GALNT2: variants seen among roughly 807,000 people sequenced by gnomAD.
GALNT2 encodes polypeptide N-acetylgalactosaminyltransferase 2.
Under a neutral mutation model 81.4 loss-of-function variants are expected in GALNT2, and 31 were observed. The observed-to-expected ratio is 0.38, with a 90% CI of 0.29 to 0.51. The LOEUF (loss-of-function observed/expected upper bound fraction) is 0.51. Ranked by LOEUF, GALNT2 falls within the 20% of genes least tolerant of loss-of-function variation. The probability of loss-of-function intolerance (pLI) is 0.87; values close to 1 mark genes in which losing one functional copy is unlikely to be tolerated. For missense variants in GALNT2, 629 were observed against 765.7 expected (o/e 0.82, Z 2.11); for synonymous variants, 303 against 287.4 (o/e 1.05, Z -0.55).
intron 3 of GALNT2, among the ~76,000 whole-genome samples, chr1:230,231,553 C>G (rs1572112985): frequency 6.6e-6 from 1 of 152,200 alleles, no homozygotes; most frequent in South Asian, 2.1e-4. Flanking sequence ...ATGTCTTGAT[C>G]AAGCCCAGGT....
chr1:230,271,137 G>A lies in GALNT2; in HGVS notation c.1441-3308G>A, dbSNP rs1334295786. Among the ~76,000 whole-genome samples, 1 of 152,182 alleles carries A rather than the reference G, an allele frequency of 6.6e-6. No homozygotes were observed. Among genetic ancestry groups the A allele is most frequent in the African/African-American group, 2.4e-5 (1 of 41,438 alleles). ...GGACTCTCCTCTTCACTGTGAGTGG[G>A]CGTCTCTGTGTACCACAGTTTCACA... On this transcript the variant is annotated intron_variant, in intron 14 of 15. Transcript: ENST00000366672. The surrounding 1 kb of genome is among the most constrained non-coding windows in gnomAD (Gnocchi z 4.2).
At chr1:230,128,499 G>C (rs1661264588) in intron 1 of GALNT2, among the ~76,000 whole-genome samples, 1 of 152,014 alleles carries the variant, frequency 6.6e-6, no homozygotes, top group Non-Finnish European at 1.5e-5. Flanking sequence ...TGTGCACCAG[G>C]GATGGAGCCA....
At chr1:230,161,998 T>A (rs561296081) in intron 1 of GALNT2, among the ~76,000 whole-genome samples, 1 of 152,198 alleles carries the variant, frequency 6.6e-6, no homozygotes, top group Non-Finnish European at 1.5e-5. Flanking sequence ...TGGGGTATTA[T>A]TAAAGTAAGA....
intron 13 of GALNT2, chr1:230,263,493 C>G (rs918030978): frequency 6.4e-6 from 1 of 156,406 alleles, no homozygotes; most frequent in Admixed American, 6.3e-5. Flanking sequence ...CTCCCTCCTC[C>G]CAGCTAGGTT....
intron 1 of GALNT2, among the ~76,000 whole-genome samples, chr1:230,142,704 G>T (rs1334805628): frequency 1.0e-5 from 1 of 100,118 alleles, no homozygotes. Context: ...GCTGGTCGTT[G>T]CCTGCTCTGT....
intron 1 of GALNT2, among the ~76,000 whole-genome samples, chr1:230,175,601 G>A (rs74600170): frequency 2.7e-5 from 2 of 72,818 alleles, no homozygotes; most frequent in Non-Finnish European, 4.9e-5. Flanking sequence ...TCCCCTCCTC[G>A]TCCTCCTCCT....
chr1:230,155,519 C>G (rs1246058285), intron 1 of GALNT2, among the ~76,000 whole-genome samples: 1 of 152,158 alleles, frequency 6.6e-6, no homozygotes, highest in South Asian at 2.1e-4. Flanking sequence ...TAGCTTCTTT[C>G]AGGATCTTCC....
intron 1 of GALNT2, among the ~76,000 whole-genome samples, chr1:230,099,128 A>G (rs1197748279): frequency 6.6e-6 from 1 of 152,190 alleles, no homozygotes; most frequent in East Asian, 1.9e-4. Context: ...TACACCAGTC[A>G]TTGCTACGTT....
In GALNT2 at chr1:230,243,553, CG is replaced by C; in HGVS notation, c.729+127del. Reference sequence around the variant, plus strand: ...CGTCAGGGCTGGTAGGGGCTGAGCTCGCCGTCTGCAGTTTTCCTTGATAGAA... The same window carrying C: ...CGTCAGGGCTGGTAGGGGCTGAGCTCCCGTCTGCAGTTTTCCTTGATAGAA... On this transcript the variant is annotated intron_variant, in intron 7 of 15. Coordinates refer to ENST00000366672, the MANE Select transcript of GALNT2 (RefSeq NM_004481.5). The surrounding 1 kb of genome is among the most constrained non-coding windows in gnomAD (Gnocchi z 4.2). The C allele has an allele frequency of 4.9e-6, 6 of 1,219,334 alleles. No individual in the cohort carries two copies. The highest frequency in any genetic ancestry group is 6.6e-6 in the Non-Finnish European group (6 of 912,992). 75.5% of individuals were successfully genotyped at this position (1,219,334 alleles called of 1,614,324 possible).
chr1:230,163,472 C>T (rs765382991), intron 1 of GALNT2, among the ~76,000 whole-genome samples: 1 of 152,344 alleles, frequency 6.6e-6, no homozygotes, highest in Non-Finnish European at 1.5e-5. Flanking sequence ...ACTTCTCAGG[C>T]GGTTGTGTGG....
intron 1 of GALNT2, among the ~76,000 whole-genome samples, chr1:230,113,471 A>T (rs532141718): frequency 6.6e-6 from 1 of 152,270 alleles, no homozygotes; most frequent in East Asian, 1.9e-4. Context: ...GTAGAGGTGG[A>T]TAAGAAGAAG....
At chr1:230,176,188 A>G (rs1662973669) in intron 1 of GALNT2, among the ~76,000 whole-genome samples, 1 of 152,122 alleles carries the variant, frequency 6.6e-6, no homozygotes, top group African/African-American at 2.4e-5. Flanking sequence ...ACCCTGCACT[A>G]GTTTTATAGT....
intron 1 of GALNT2, among the ~76,000 whole-genome samples, chr1:230,120,213 C>T (rs1348045322): frequency 1.3e-5 from 2 of 152,168 alleles, no homozygotes; most frequent in African/African-American, 4.8e-5. Context: ...TGGGATTCTC[C>T]AGGCCTCAGC....
chr1:230,231,113 G>A (rs1398185141), intron 3 of GALNT2, among the ~76,000 whole-genome samples: 1 of 152,172 alleles, frequency 6.6e-6, no homozygotes, highest in Non-Finnish European at 1.5e-5. Flanking sequence ...AGATGTCTCA[G>A]AGCCTGTCTC....
chr1:230,128,689 A>C (rs372391329), intron 1 of GALNT2, among the ~76,000 whole-genome samples: 2 of 152,116 alleles, frequency 1.3e-5, no homozygotes, highest in South Asian at 4.2e-4. Context: ...CCTGAGTGTC[A>C]CAAGAGCCTG....
chr1:230,155,629 A>AG (rs1662227078), intron 1 of GALNT2, among the ~76,000 whole-genome samples: 1 of 152,316 alleles, frequency 6.6e-6, no homozygotes, highest in African/African-American at 2.4e-5. Flanking sequence ...GGGCAGAGCT[A>AG]GGTTTTGTGA....
At chr1:230,189,949 T>C (rs1461323374) in intron 2 of GALNT2, among the ~76,000 whole-genome samples, 2 of 152,230 alleles carry the variant, frequency 1.3e-5, no homozygotes, top group Non-Finnish European at 2.9e-5. Flanking sequence ...GGTTCACCCA[T>C]GTTGTGGGTC....
At chr1:230,254,454 G>A (rs1665644927) in intron 10 of GALNT2, among the ~76,000 whole-genome samples, 1 of 152,206 alleles carries the variant, frequency 6.6e-6, no homozygotes, top group Non-Finnish European at 1.5e-5. Context: ...AAGCCTGTGA[G>A]CAGCGTGCAG....
intron 2 of GALNT2, among the ~76,000 whole-genome samples, chr1:230,195,664 C>G (rs1535136): frequency 0.56 from 85,604 of 151,978 alleles, 26,898 homozygotes; most frequent in East Asian, 0.89. Context: ...CTGGGGTTGC[C>G]GATGGGACTG....
Sources: allele counts gnomAD v4.1 joint callset (sites outside exome capture counted in the v4.1 genomes callset), GRCh38; gene constraint gnomAD v4.1.1; non-coding constraint Gnocchi (gnomAD v3.1); transcripts MANE v1.5; gene names NCBI Gene and HGNC (gene_info 2026-07-23, HGNC 2026-07-21).